The following IFT74 variants were observed in gnomAD, a reference collection of about 807,000 sequenced individuals.
IFT74 encodes the protein intraflagellar transport 74, also known as intraflagellar transport protein 74 homolog.
In IFT74, 92 loss-of-function variants were observed where a neutral mutation model predicts 96.7. The ratio of observed to expected loss-of-function variants is 0.95; its 90% CI spans 0.80 to 1.13. The LOEUF is 1.13. Ranked by LOEUF, IFT74 falls within the 50% of genes most tolerant of loss-of-function variation. The pLI is 0.00. For synonymous variants in IFT74, 223 were observed against 213.2 expected (o/e 1.05, Z -0.40); for missense variants, 811 against 698.2 (o/e 1.16, Z -1.82).
intron 8 of IFT74, among the ~76,000 whole-genome samples, chr9:26,999,938 T>G (rs1160560458): frequency 6.6e-6 from 1 of 151,958 alleles, no homozygotes; most frequent in Non-Finnish European, 1.5e-5. Context: ...GCCTGGCTAA[T>G]TTTAAAAATT....
In IFT74 at chr9:27,030,810, T is replaced by A. The variant is rs551702405; in HGVS notation, c.1054+1706T>A. Among the ~76,000 whole-genome samples, 9 of 152,334 alleles carry A rather than the reference T, an allele frequency of 5.9e-5. No homozygotes were observed. In the South Asian group the frequency reaches 1.9e-3, roughly 32 times the overall value. ...GCATATTTGCTTAATTATTGCTTTTTAAAATATTGGCTCTGTATAAGCAAG... is the reference window on the plus strand; with the variant it reads ...GCATATTTGCTTAATTATTGCTTTTAAAAATATTGGCTCTGTATAAGCAAG... On this transcript the variant is annotated intron_variant, in intron 13 of 19. Transcript: ENST00000380062.
Position 26,998,006 on chromosome 9 carries a change from C to G in IFT74, c.587+7811C>G, listed in dbSNP as rs147498217. 159 of 1,613,734 alleles carry G rather than the reference C, an allele frequency of 9.9e-5. No homozygotes were observed. Among genetic ancestry groups the G allele is most frequent in the Non-Finnish European group, 1.2e-4 (144 of 1,179,930 alleles). ...CTGTTGAATTACATAGATGGAGTTT[C>G]TACAGATATTTAAAATTTCTAGACT... is the stretch of plus-strand genomic sequence containing the variant. On this transcript the variant is annotated intron_variant, in intron 8 of 19. Coordinates refer to ENST00000380062, the MANE Select transcript of IFT74 (RefSeq NM_025103.4).
intron 10 of IFT74, among the ~76,000 whole-genome samples, chr9:27,013,315 G>A (rs1829198710): frequency 6.6e-6 from 1 of 152,120 alleles, no homozygotes; most frequent in African/African-American, 2.4e-5. Context: ...GTATTATGTT[G>A]TATAATTATA....
intron 16 of IFT74, among the ~76,000 whole-genome samples, chr9:27,051,815 TAGAC>T (rs1056334548): frequency 3.9e-5 from 6 of 152,346 alleles, no homozygotes; most frequent in East Asian, 3.9e-4. Flanking sequence ...AGTCTATCTG[TAGAC>T]AGACAGATTG....
chr9:27,033,946 A>G (rs1830242526), intron 13 of IFT74, among the ~76,000 whole-genome samples: 1 of 152,214 alleles, frequency 6.6e-6, no homozygotes, highest in Admixed American at 6.5e-5. Flanking sequence ...GATAAGGTAC[A>G]CATCACTGAC....
chr9:27,020,738 T>G (rs1829561672), intron 12 of IFT74, among the ~76,000 whole-genome samples: 1 of 152,150 alleles, frequency 6.6e-6, no homozygotes, highest in Admixed American at 6.6e-5. Context: ...CCTCCCAAAG[T>G]GCTGGGTTTA....
intron 15 of IFT74, 79 bp from the exon 16 acceptor site, chr9:27,048,069 A>G (rs1041581360): frequency 1.1e-6 from 1 of 937,592 alleles, no homozygotes; most frequent in East Asian, 2.7e-5. Flanking sequence ...TCATCCTTTG[A>G]CAGTGTTTTC....
chr9:27,056,513 A>C (rs960282236), intron 18 of IFT74, 54 bp downstream of exon 18: 2 of 1,460,296 alleles, frequency 1.4e-6, no homozygotes, highest in Non-Finnish European at 1.8e-6. Context: ...TTTTCACCCC[A>C]AAACAATCAA....
intron 3 of IFT74, among the ~76,000 whole-genome samples, chr9:26,980,140 AG>A (rs1827306753): frequency 6.6e-6 from 1 of 151,844 alleles, no homozygotes; most frequent in Non-Finnish European, 1.5e-5. Flanking sequence ...TATGACAGCC[AG>A]TAGTCAGAAA....
chr9:26,996,334 G>T, intron 8 of IFT74: 1 of 1,597,528 alleles, frequency 6.3e-7, no homozygotes. Context: ...TAAGTTGTTC[G>T]AAGAGCTATT....
chr9:26,963,978 T>A (rs1452111179), intron 2 of IFT74, among the ~76,000 whole-genome samples: 1 of 151,800 alleles, frequency 6.6e-6, no homozygotes, highest in Non-Finnish European at 1.5e-5. Context: ...TGAGATCCCA[T>A]TTGTCAATTT....
chr9:27,054,987 C>T (rs1345926562), intron 16 of IFT74, among the ~76,000 whole-genome samples: 1 of 152,082 alleles, frequency 6.6e-6, no homozygotes, highest in Non-Finnish European at 1.5e-5. Context: ...GCTGTGAGTT[C>T]AATGTTAGTG....
intron 1 of IFT74, among the ~76,000 whole-genome samples, chr9:26,948,452 T>TATTATTA (rs1563926469): frequency 0.012 from 390 of 33,792 alleles, 14 homozygotes; most frequent in South Asian, 0.1. Context: ...TCCATTATTT[T>TATTATTA]TTTTTTTTTT....
rs1820566045 is a variant in IFT74 at position 27,065,000 on chromosome 9, A to G, written c.*2264A>G. Among the ~76,000 whole-genome samples, 1 of 152,298 alleles carries G rather than the reference A, an allele frequency of 6.6e-6. No individual in the cohort carries two copies. Among genetic ancestry groups the G allele is most frequent in the South Asian group, 2.1e-4 (1 of 4,828 alleles). ...CTTTAACTGACAGAAAGGATGTAGTAAAAACTCTTAAGTCCTTGACTCTAG... is the reference window on the plus strand; with the variant it reads ...CTTTAACTGACAGAAAGGATGTAGTGAAAACTCTTAAGTCCTTGACTCTAG... On this transcript the variant is annotated 3_prime_UTR_variant, in exon 20 of 20. Coordinates refer to ENST00000380062, the MANE Select transcript of IFT74 (RefSeq NM_025103.4).
chr9:26,999,733 G>T, intron 8 of IFT74: 1 of 1,354,544 alleles, frequency 7.4e-7, no homozygotes, highest in South Asian at 1.3e-5. Flanking sequence ...TTTCATTAAG[G>T]ACATTTTTAT....
At chr9:27,042,123 A>T (rs1819508172) in intron 13 of IFT74, among the ~76,000 whole-genome samples, 1 of 152,196 alleles carries the variant, frequency 6.6e-6, no homozygotes, top group Non-Finnish European at 1.5e-5. Flanking sequence ...CTATGAGTTT[A>T]ATTATGAGTA....
At chr9:26,969,252 A>G (rs1353287660) in intron 2 of IFT74, among the ~76,000 whole-genome samples, 1 of 152,058 alleles carries the variant, frequency 6.6e-6, no homozygotes, top group Admixed American at 6.6e-5. Flanking sequence ...TTATTCCATT[A>G]TGGTCAGAGA....
intron 12 of IFT74, among the ~76,000 whole-genome samples, chr9:27,025,571 A>C (rs1043650945): frequency 7.2e-5 from 11 of 152,172 alleles, no homozygotes; most frequent in Non-Finnish European, 1.3e-4. Context: ...AGAGGAAAGA[A>C]TCTTAAGAGC....
At chr9:27,017,191 T>G (rs552056465) in intron 11 of IFT74, 141 bp downstream of exon 11, 1 of 502,280 alleles carries the variant, frequency 2.0e-6, no homozygotes, top group East Asian at 3.4e-5. Flanking sequence ...GAAATGACTT[T>G]TTAATCTAGA....
Sources: allele counts gnomAD v4.1 joint callset (sites outside exome capture counted in the v4.1 genomes callset), GRCh38; gene constraint gnomAD v4.1.1; transcripts MANE v1.5; gene names NCBI Gene and HGNC (gene_info 2026-07-23, HGNC 2026-07-21).